FMN2: variants seen among roughly 807,000 people sequenced by gnomAD.
FMN2 encodes formin-2.
A neutral mutation model predicts 142.3 loss-of-function variants in FMN2; 51 were observed. The observed-to-expected ratio is 0.36, with a 90% confidence interval of 0.29 to 0.45. FMN2 has a LOEUF of 0.45. Ranked by LOEUF, FMN2 falls within the 20% of genes least tolerant of loss-of-function variation. The pLI is 1.00. For synonymous variants in FMN2, 882 were observed against 869.8 expected (o/e 1.01, Z -0.25); for missense variants, 1,936 against 2,122.8 (o/e 0.91, Z 1.73).
chr1:240,196,655 G>A (rs11801819), intron 4 of FMN2, among the ~76,000 whole-genome samples: 40,060 of 151,954 alleles, frequency 0.26, 5,999 homozygotes, highest in South Asian at 0.36. Flanking sequence ...GGGATTACAG[G>A]CACCTGCCAC....
chr1:240,169,821 T>C (rs561188016), intron 2 of FMN2, among the ~76,000 whole-genome samples: 4 of 152,292 alleles, frequency 2.6e-5, no homozygotes, highest in African/African-American at 9.6e-5. Flanking sequence ...GTGAGCTGCA[T>C]ACTTCGAGGC....
intron 16 of FMN2, among the ~76,000 whole-genome samples, chr1:240,464,268 T>C (rs1676541162): frequency 6.6e-6 from 1 of 152,190 alleles, no homozygotes; most frequent in Non-Finnish European, 1.5e-5. Context: ...TCTAAAATTA[T>C]GGGGGAGAGT....
chr1:240,330,985 A>G (rs1002186764), intron 11 of FMN2, among the ~76,000 whole-genome samples: 1 of 152,204 alleles, frequency 6.6e-6, no homozygotes, highest in Non-Finnish European at 1.5e-5. Context: ...ACTTTTTAAT[A>G]TAAAAACAAT....
intron 13 of FMN2, among the ~76,000 whole-genome samples, chr1:240,338,634 C>T (rs897379416): frequency 3.3e-5 from 5 of 152,232 alleles, no homozygotes; most frequent in East Asian, 1.9e-4. Context: ...CTTAGTTCAG[C>T]GTATTCATGC....
intron 2 of FMN2, among the ~76,000 whole-genome samples, chr1:240,162,135 A>G (rs1485846582): frequency 2.0e-5 from 3 of 151,784 alleles, no homozygotes; most frequent in African/African-American, 7.3e-5. Context: ...TTGTTTCAAA[A>G]AAAAAAAAAC....
intron 11 of FMN2, among the ~76,000 whole-genome samples, chr1:240,333,602 C>T (rs982082043): frequency 6.6e-6 from 1 of 151,970 alleles, no homozygotes; most frequent in African/African-American, 2.4e-5. Flanking sequence ...ATATACAAGA[C>T]ATGAGCTAAA....
intron 16 of FMN2, among the ~76,000 whole-genome samples, chr1:240,469,180 C>T (rs756741894): frequency 2.0e-5 from 3 of 152,034 alleles, no homozygotes; most frequent in Non-Finnish European, 4.4e-5. Context: ...TCCAGGGCAC[C>T]GTTTCTCAGG....
intron 14 of FMN2, among the ~76,000 whole-genome samples, chr1:240,368,985 A>C (rs1372131966): frequency 2.0e-5 from 3 of 151,612 alleles, no homozygotes; most frequent in Non-Finnish European, 4.4e-5. Context: ...ACACAGAGTA[A>C]AATTATTCGT....
intron 16 of FMN2, among the ~76,000 whole-genome samples, chr1:240,456,012 AATG>A (rs1676232680): frequency 6.6e-6 from 1 of 151,644 alleles, no homozygotes; most frequent in Admixed American, 6.6e-5. Context: ...TAAGTTGCAT[AATG>A]ATCTCAGAAA....
chr1:240,092,000 C>T lies in FMN2; in HGVS notation c.-110C>T. 2 of 1,379,382 alleles carry T rather than the reference C, an allele frequency of 1.4e-6. No homozygotes were observed. Among genetic ancestry groups the T allele is most frequent in the Non-Finnish European group, 1.9e-6 (2 of 1,075,250 alleles). 85.4% of individuals were successfully genotyped at this position (1,379,382 alleles called of 1,614,324 possible). On this transcript the variant is annotated 5_prime_UTR_variant, in exon 1 of 18. Transcript: ENST00000319653. ...GGCCTCCCCTCCCAGCGGCTCCCCC[C>T]GCCGCCGCCTGACTCTCCCGGGAGA... is the stretch of plus-strand genomic sequence containing the variant.
intron 4 of FMN2, among the ~76,000 whole-genome samples, chr1:240,194,067 TG>T (rs1665818656): frequency 6.6e-6 from 1 of 152,168 alleles, no homozygotes; most frequent in African/African-American, 2.4e-5. Context: ...TTGTTGTTGT[TG>T]TTGTTTTTTT....
At chr1:240,434,553 T>TTG (rs1675290758) in intron 15 of FMN2, among the ~76,000 whole-genome samples, 1 of 99,770 alleles carries the variant, frequency 1.0e-5, no homozygotes, top group South Asian at 3.3e-4. Context: ...TTTTTGTTTT[T>TTG]TGTTTTTTTT....
intron 2 of FMN2, chr1:240,144,736 C>T: frequency 2.3e-6 from 3 of 1,324,482 alleles, no homozygotes; most frequent in South Asian, 1.2e-5. Context: ...CCAGCATGTC[C>T]ACCTGCTCAA....
chr1:240,218,468 GGTGGGCTGTT>G (rs1003383593), intron 6 of FMN2, among the ~76,000 whole-genome samples: 2 of 152,000 alleles, frequency 1.3e-5, no homozygotes, highest in Non-Finnish European at 2.9e-5. Flanking sequence ...CCACCTACAA[GGTGGGCTGTT>G]GTGGGCTGTA....
intron 14 of FMN2, among the ~76,000 whole-genome samples, chr1:240,389,478 G>A (rs1673532830): frequency 6.6e-6 from 1 of 152,170 alleles, no homozygotes; most frequent in South Asian, 2.1e-4. Context: ...TCTGATTGGG[G>A]TCACTGCATG....
At chr1:240,434,808 G>A (rs190854314) in intron 15 of FMN2, among the ~76,000 whole-genome samples, 10 of 148,152 alleles carry the variant, frequency 6.7e-5, no homozygotes, top group East Asian at 5.9e-4. Flanking sequence ...TCCTGACCTC[G>A]TGATCCGCTG....
intron 15 of FMN2, among the ~76,000 whole-genome samples, chr1:240,436,686 A>AAG (rs1398303767): frequency 6.7e-6 from 1 of 148,386 alleles, no homozygotes; most frequent in Admixed American, 6.6e-5. Flanking sequence ...CAAAAAAAAA[A>AAG]AAAACTCAAT....
intron 2 of FMN2, among the ~76,000 whole-genome samples, chr1:240,169,763 C>T (rs1164075483): frequency 1.3e-5 from 2 of 152,152 alleles, no homozygotes; most frequent in East Asian, 3.9e-4. Flanking sequence ...GCGTGAGCCA[C>T]CAGCACACCT....
chr1:240,100,418 TG>T (rs1661373330), intron 1 of FMN2, among the ~76,000 whole-genome samples: 1 of 152,234 alleles, frequency 6.6e-6, no homozygotes, highest in Non-Finnish European at 1.5e-5. Flanking sequence ...GCCTGTGACT[TG>T]ATAGTTATTA....
Sources: gnomAD v4.1 joint callset for allele counts (sites outside exome capture counted in the v4.1 genomes callset) on GRCh38, gnomAD v4.1.1 for gene constraint, MANE v1.5 for transcripts, NCBI Gene and HGNC (gene_info 2026-07-23, HGNC 2026-07-21) for gene names.